The following RAB6A variants were observed in gnomAD, a reference collection of about 807,000 sequenced individuals.
RAB6A encodes RAB6A, member RAS oncogene family.
Under a neutral mutation model 32.3 loss-of-function variants are expected in RAB6A, and 8 were observed. The ratio of observed to expected loss-of-function variants is 0.25; its 90% CI spans 0.15 to 0.45. The LOEUF is 0.45. RAB6A is among the 20% of genes least tolerant of loss of function. RAB6A has a pLI of 1.00. For synonymous variants in RAB6A, 73 were observed against 82.1 expected (o/e 0.89, Z 0.60); for missense variants, 104 against 249.4 (o/e 0.42, Z 3.93).
At chr11:73,714,619 G>A (rs1353872693) in intron 5 of RAB6A, among the ~76,000 whole-genome samples, 4 of 150,024 alleles carry the variant, frequency 2.7e-5, no homozygotes, top group African/African-American at 4.9e-5. Flanking sequence ...CCGAGATCGC[G>A]CCATGGCACT....
chr11:73,692,338 T>TA (rs766726740), intron 6 of RAB6A, among the ~76,000 whole-genome samples: 7 of 148,808 alleles, frequency 4.7e-5, no homozygotes, highest in Non-Finnish European at 9.0e-5. Flanking sequence ...CCGTCTCTAC[T>TA]AAAAAATACA....
At chr11:73,692,788 C>CAAAAAACAA (rs1945592900) in intron 6 of RAB6A, among the ~76,000 whole-genome samples, 1 of 98,208 alleles carries the variant, frequency 1.0e-5, no homozygotes, top group African/African-American at 4.0e-5. Context: ...ACTAAAAATA[C>CAAAAAACAA]AAAAAAAAAA....
At chr11:73,702,749 C>T (rs1210262984) in intron 6 of RAB6A, among the ~76,000 whole-genome samples, 1 of 152,136 alleles carries the variant, frequency 6.6e-6, no homozygotes, top group East Asian at 1.9e-4. Flanking sequence ...ATCTTCATTG[C>T]TGTGGTCATT....
At chr11:73,728,766 T>C (rs1946263222) in intron 2 of RAB6A, among the ~76,000 whole-genome samples, 1 of 151,940 alleles carries the variant, frequency 6.6e-6, no homozygotes, top group African/African-American at 2.4e-5. Flanking sequence ...GTAGTTTAAT[T>C]TTGATATCTC....
chr11:73,702,140 C>G (rs1035367879), intron 6 of RAB6A, among the ~76,000 whole-genome samples: 8 of 152,072 alleles, frequency 5.3e-5, no homozygotes, highest in Non-Finnish European at 5.9e-5. Context: ...CAGAACTGGA[C>G]AAAAAACTAG....
At chr11:73,693,965 A>T (rs1039737914) in intron 6 of RAB6A, among the ~76,000 whole-genome samples, 1 of 152,142 alleles carries the variant, frequency 6.6e-6, no homozygotes, top group African/African-American at 2.4e-5. Flanking sequence ...TACCTCAGGA[A>T]AGCTTTCTTG....
chr11:73,702,371 TA>T (rs1019993751), intron 6 of RAB6A, among the ~76,000 whole-genome samples: 1 of 152,178 alleles, frequency 6.6e-6, no homozygotes, highest in Non-Finnish European at 1.5e-5. Context: ...AGGGTTTCAC[TA>T]TGTTGACCAG....
intron 6 of RAB6A, among the ~76,000 whole-genome samples, chr11:73,687,230 G>A (rs1945473042): frequency 6.6e-6 from 1 of 152,036 alleles, no homozygotes; most frequent in African/African-American, 2.4e-5. Context: ...GGGGAAGGGG[G>A]AAATAAGGAG....
At chr11:73,739,280 A>ATACATATATAT (rs1389085059) in intron 1 of RAB6A, among the ~76,000 whole-genome samples, 3 of 18,422 alleles carry the variant, frequency 1.6e-4, no homozygotes, top group African/African-American at 3.6e-4. Context: ...AAAAAAAAAA[A>ATACATATATAT]AAAAATATAT....
intron 1 of RAB6A, among the ~76,000 whole-genome samples, chr11:73,753,924 C>T (rs1441148439): frequency 1.3e-5 from 2 of 152,282 alleles, no homozygotes; most frequent in Non-Finnish European, 2.9e-5. Flanking sequence ...TACCAAACCA[C>T]CTGACACTGT....
intron 6 of RAB6A, among the ~76,000 whole-genome samples, chr11:73,704,857 G>A (rs917649643): frequency 1.1e-4 from 16 of 149,078 alleles, no homozygotes; most frequent in Admixed American, 4.7e-4. Flanking sequence ...TTAGCCAGGC[G>A]TGGTGGTGGG....
intron 2 of RAB6A, chr11:73,722,339 ATATATTT>A (rs1946153463): frequency 9.4e-5 from 1 of 10,658 alleles, no homozygotes; most frequent in Admixed American, 1.8e-3. Context: ...ATATATATAT[ATATATTT>A]TTTTTTTTTT....
Position 73,679,684 on chromosome 11 carries a change from C to G in RAB6A, c.532G>C (p.Glu178Gln). 6.2e-7 allele frequency: 1 copy of G among 1,613,952 alleles called. No homozygotes were observed. The highest frequency in any genetic ancestry group is 8.5e-7 in the Non-Finnish European group (1 of 1,179,952). ...TCTCTGCTTCTGTCCTGTGTGCTTT[C>G]CATTCCCGGCAAAGCTGCTGCTACA... ...RRVAAALPGMESTQDRSREDM... is the reference protein window; with the variant it reads ...RRVAAALPGMQSTQDRSREDM... Residue 178 changes from glutamate (E) to glutamine (Q), a missense_variant, in exon 7 of 8, where the codon GAA (glutamate) becomes CAA (glutamine). By Grantham distance (29) the Glu-to-Gln change is conservative. This residue lies in a region of RAB6A where 33 missense variants were observed against 59.5 expected (regional missense o/e 0.55). Coordinates refer to ENST00000336083, the MANE Select transcript of RAB6A (RefSeq NM_198896.2).
At chr11:73,747,436 A>ACCCCCCC (rs35103580) in intron 1 of RAB6A, among the ~76,000 whole-genome samples, 5 of 140,230 alleles carry the variant, frequency 3.6e-5, no homozygotes, top group African/African-American at 1.1e-4. Context: ...TGTGATCGGA[A>ACCCCCCC]CCCCCCCCCG....
At chr11:73,731,425 T>C (rs1273961758) in intron 1 of RAB6A, among the ~76,000 whole-genome samples, 7 of 150,490 alleles carry the variant, frequency 4.7e-5, no homozygotes, top group Non-Finnish European at 7.4e-5. Flanking sequence ...ACGCCTGTAG[T>C]CCCAGCTACT....
At chr11:73,754,258 A>G (rs1165619496) in intron 1 of RAB6A, among the ~76,000 whole-genome samples, 3 of 152,246 alleles carry the variant, frequency 2.0e-5, no homozygotes, top group African/African-American at 7.2e-5. Context: ...AAAAACTGGC[A>G]ACATTATAAC....
intron 4 of RAB6A, among the ~76,000 whole-genome samples, chr11:73,718,059 G>C (rs915289307): frequency 1.3e-5 from 2 of 152,112 alleles, no homozygotes; most frequent in Admixed American, 6.6e-5. Flanking sequence ...AGTGTAATTT[G>C]TTAGCAACAA....
chr11:73,682,086 C>A (rs758669799), intron 6 of RAB6A, among the ~76,000 whole-genome samples: 1 of 152,160 alleles, frequency 6.6e-6, no homozygotes, highest in Non-Finnish European at 1.5e-5. Flanking sequence ...AAATTACCAT[C>A]ATGTCAAATC....
chr11:73,701,212 C>G (rs1290318878), intron 6 of RAB6A, among the ~76,000 whole-genome samples: 1 of 152,146 alleles, frequency 6.6e-6, no homozygotes, highest in African/African-American at 2.4e-5. Context: ...ACCTTATATA[C>G]AGAAAGACTT....
Sources: gnomAD v4.1 joint callset for allele counts (sites outside exome capture counted in the v4.1 genomes callset) on GRCh38, gnomAD v4.1.1 for gene constraint, gnomAD v4.1.1 regional missense constraint, MANE v1.5 for transcripts, NCBI Gene and HGNC (gene_info 2026-07-23, HGNC 2026-07-21) for gene names.